Variants in CHST11 observed in about 807,000 individuals in gnomAD.
CHST11 encodes the protein carbohydrate sulfotransferase 11, also known as C4S-1.
CHST11 carries 9 observed loss-of-function variants against 30.4 expected under a neutral mutation model. The ratio of observed to expected loss-of-function variants is 0.30; its 90% CI spans 0.18 to 0.52. CHST11 has a LOEUF of 0.52. Among genes scored for constraint, CHST11 ranks in the 20% least tolerant of loss-of-function variants. The probability of loss-of-function intolerance (pLI) is 0.97; values close to 1 mark genes in which losing one functional copy is unlikely to be tolerated. For missense variants in CHST11, 348 were observed against 460.6 expected (o/e 0.76, Z 2.24); for synonymous variants, 152 against 187.8 (o/e 0.81, Z 1.56).
intron 2 of CHST11, among the ~76,000 whole-genome samples, chr12:104,736,401 TCA>T (rs1264788110): frequency 2.0e-5 from 3 of 152,224 alleles, no homozygotes; most frequent in African/African-American, 7.2e-5. Context: ...GACCAGTGAC[TCA>T]CAAGCTCATA....
chr12:104,701,395 A>G (rs1261413215), intron 2 of CHST11, among the ~76,000 whole-genome samples: 3 of 152,160 alleles, frequency 2.0e-5, no homozygotes, highest in South Asian at 2.1e-4. Context: ...TGAGGTTGAA[A>G]TGAGAAGGTC....
chr12:104,471,019 A>G (rs749140360), intron 1 of CHST11, among the ~76,000 whole-genome samples: 6 of 152,174 alleles, frequency 3.9e-5, no homozygotes, highest in Non-Finnish European at 8.8e-5. Flanking sequence ...GGCCTGGGGT[A>G]TCATCTGTGT....
chr12:104,614,667 TTA>T, intron 2 of CHST11, among the ~76,000 whole-genome samples: 2 of 150,300 alleles, frequency 1.3e-5, no homozygotes, highest in Non-Finnish European at 3.0e-5. Flanking sequence ...GCATGCATGC[TTA>T]TGCATGTGTG....
At chr12:104,473,763 T>C (rs1385024759) in intron 1 of CHST11, among the ~76,000 whole-genome samples, 2 of 152,138 alleles carry the variant, frequency 1.3e-5, no homozygotes, top group African/African-American at 4.8e-5. Context: ...CTGGGGGCCA[T>C]TGTGCTTGGT....
intron 2 of CHST11, among the ~76,000 whole-genome samples, chr12:104,687,859 C>T (rs944546085): frequency 8.6e-5 from 13 of 152,022 alleles, no homozygotes; most frequent in African/African-American, 1.5e-4. Context: ...ACTCCAGATG[C>T]AGTTTTCTGG....
chr12:104,592,684 T>C (rs71468218), intron 1 of CHST11, among the ~76,000 whole-genome samples: 7,039 of 152,284 alleles, frequency 0.046, 346 homozygotes, highest in African/African-American at 0.12. Context: ...CCTAACCACG[T>C]AGATTCATTC....
intron 2 of CHST11, among the ~76,000 whole-genome samples, chr12:104,609,271 C>A (rs1254262001): frequency 6.6e-6 from 1 of 152,232 alleles, no homozygotes; most frequent in Non-Finnish European, 1.5e-5. Flanking sequence ...TGGTTGTAGA[C>A]CGACTCCTTA....
intron 1 of CHST11, among the ~76,000 whole-genome samples, chr12:104,565,258 AT>A (rs66825272): frequency 0.27 from 19,690 of 73,190 alleles, 1,124 homozygotes; most frequent in South Asian, 0.35. Context: ...GTTTTCTAGG[AT>A]TTTTTTTTTT....
intron 2 of CHST11, among the ~76,000 whole-genome samples, chr12:104,624,523 A>G (rs915827249): frequency 2.2e-5 from 2 of 91,008 alleles, no homozygotes; most frequent in African/African-American, 4.4e-5. Context: ...TATCAAATGA[A>G]TGAAGGGAAA....
chr12:104,615,461 G>A (rs1688166207), intron 2 of CHST11, among the ~76,000 whole-genome samples: 2 of 152,240 alleles, frequency 1.3e-5, no homozygotes, highest in African/African-American at 4.8e-5. Flanking sequence ...TTGGAGAAAA[G>A]CTCTGAGAGA....
At chr12:104,624,009 G>A (rs954177202) in intron 2 of CHST11, among the ~76,000 whole-genome samples, 3 of 152,160 alleles carry the variant, frequency 2.0e-5, no homozygotes, top group African/African-American at 7.2e-5. Flanking sequence ...CACAGCACTC[G>A]TTCTCAGTGT....
rs2040243672 is a variant in CHST11, at chr12:104,729,884, GCCT to G, written c.205-27057_205-27055del. Among the ~76,000 whole-genome samples, 1 of 152,194 alleles carries G rather than the reference GCCT, an allele frequency of 6.6e-6. No homozygotes were observed. Among genetic ancestry groups the G allele is most frequent in the African/African-American group, 2.4e-5 (1 of 41,444 alleles). On this transcript the variant is annotated intron_variant, in intron 2 of 2. Coordinates refer to ENST00000303694, the MANE Select transcript of CHST11 (RefSeq NM_018413.6). This position sits in a 1 kb window ranked among gnomAD's most constrained non-coding sequence, Gnocchi z 4.0. ...AAGGTCCACCAGGTGGGAGGGCAAG[GCCT>G]CCTCCTCTGGCCGTGCGTGTCTGGC...
chr12:104,504,141 C>T (rs2065693243), intron 1 of CHST11, among the ~76,000 whole-genome samples: 1 of 152,190 alleles, frequency 6.6e-6, no homozygotes, highest in South Asian at 2.1e-4. Context: ...ACCCCCAGGG[C>T]AGTCATCAGC....
chr12:104,631,261 T>C (rs150266041), intron 2 of CHST11, among the ~76,000 whole-genome samples: 2 of 152,312 alleles, frequency 1.3e-5, no homozygotes, highest in East Asian at 3.9e-4. Flanking sequence ...TCCTTTTCAG[T>C]GGGGTCACCC....
chr12:104,542,558 A>T (rs528767455), intron 1 of CHST11, among the ~76,000 whole-genome samples: 6 of 152,352 alleles, frequency 3.9e-5, no homozygotes, highest in African/African-American at 1.4e-4. Context: ...TAAAAAGCAC[A>T]GGGTATTTTG....
intron 1 of CHST11, among the ~76,000 whole-genome samples, chr12:104,530,154 G>GTCTC (rs1472672538): frequency 6.6e-6 from 1 of 152,104 alleles, no homozygotes; most frequent in African/African-American, 2.4e-5. Flanking sequence ...GTGAGACTCT[G>GTCTC]TCTCAAAGCA....
chr12:104,733,261 G>C (rs189882028), intron 2 of CHST11, among the ~76,000 whole-genome samples: 15 of 152,252 alleles, frequency 9.9e-5, no homozygotes, highest in African/African-American at 3.6e-4. Context: ...CTGGAGTCTA[G>C]CTTTCCAGAT....
At position 104,623,718 on chromosome 12, in the gene CHST11, C is replaced by CA. The variant is rs547796323; in HGVS notation, c.204+21740dup. Among the ~76,000 whole-genome samples, 259 of 138,252 alleles carry CA rather than the reference C, an allele frequency of 1.9e-3. 1 individual carries two copies. The highest frequency in any genetic ancestry group is 2.9e-3 in the African/African-American group (108 of 37,770). 90.7% of individuals were successfully genotyped at this position (138,252 alleles called of 152,430 possible). ...TGGGTGACAGAGTGAGACTCCATCT[C>CA]AAAAAAAAAAAAAGTTCATGTGCCC... On this transcript the variant is annotated intron_variant, in intron 2 of 2. Coordinates refer to ENST00000303694, the MANE Select transcript of CHST11 (RefSeq NM_018413.6).
intron 2 of CHST11, among the ~76,000 whole-genome samples, chr12:104,747,070 C>T (rs979223138): frequency 3.3e-5 from 5 of 152,228 alleles, no homozygotes; most frequent in Admixed American, 1.3e-4. Context: ...GGAGTCCCAC[C>T]CGGGCAGCCT....
Sources: allele counts gnomAD v4.1 joint callset (sites outside exome capture counted in the v4.1 genomes callset), GRCh38; gene constraint gnomAD v4.1.1; non-coding constraint Gnocchi (gnomAD v3.1); transcripts MANE v1.5; gene names NCBI Gene and HGNC (gene_info 2026-07-23, HGNC 2026-07-21).